Variants in LHFPL3 observed in about 807,000 individuals in gnomAD.
LHFPL3 encodes LHFPL tetraspan subfamily member 3 protein.
A neutral mutation model predicts 19.3 loss-of-function variants in LHFPL3; 5 were observed. That is an observed-to-expected ratio of 0.26 (90% confidence interval 0.14 to 0.54). The LOEUF is 0.54. Ranked by LOEUF, LHFPL3 falls within the 20% of genes least tolerant of loss-of-function variation. The probability of loss-of-function intolerance (pLI) is 0.94; values close to 1 mark genes in which losing one functional copy is unlikely to be tolerated. For missense variants in LHFPL3, 249 were observed against 307.4 expected, an observed-to-expected ratio of 0.81 and a Z score of 1.42; for synonymous variants, 133 against 126.2, an observed-to-expected ratio of 1.05 and a Z score of -0.36.
intron 1 of LHFPL3, among the ~76,000 whole-genome samples, chr7:104,503,290 A>C (rs2099726380): frequency 6.6e-6 from 1 of 152,122 alleles, no homozygotes; most frequent in Non-Finnish European, 1.5e-5. Context: ...AAAGAAGCAA[A>C]CACACGCACA....
chr7:104,437,167 A>G (rs779786604), intron 1 of LHFPL3, among the ~76,000 whole-genome samples: 9 of 152,220 alleles, frequency 5.9e-5, no homozygotes, highest in South Asian at 2.1e-4. Flanking sequence ...AAGTTAAAAA[A>G]CTTTCTCAAC....
chr7:104,365,797 A>AAAAGAAAAAAG lies in LHFPL3; in HGVS notation c.445+36576_445+36577insGAAAAAAGAAA, dbSNP rs1554381870. Among the ~76,000 whole-genome samples the AAAAGAAAAAAG allele has an allele frequency of 9.5e-5, 12 of 125,984 alleles. 1 individual carries two copies. Among genetic ancestry groups the AAAAGAAAAAAG allele is most frequent in the Admixed American group, 8.5e-4 (9 of 10,626 alleles). 82.7% of individuals were successfully genotyped at this position (125,984 alleles called of 152,430 possible). ...AGCGAGACTCCGTCTCAAAAAAAAA[A>AAAAGAAAAAAG]AAAAAAAAGAAAAGCCTCTTTCCAG... is the stretch of plus-strand genomic sequence containing the variant. On this transcript the variant is annotated intron_variant, in intron 1 of 2. Transcript: ENST00000424859.
At chr7:104,812,108 T>G (rs896959745) in intron 2 of LHFPL3, among the ~76,000 whole-genome samples, 3 of 152,228 alleles carry the variant, frequency 2.0e-5, no homozygotes, top group African/African-American at 7.2e-5. Context: ...CCTTTCTGTT[T>G]GTTGTCAATG....
At chr7:104,558,013 A>AT (rs1424436153) in intron 1 of LHFPL3, among the ~76,000 whole-genome samples, 1 of 150,086 alleles carries the variant, frequency 6.7e-6, no homozygotes, top group Non-Finnish European at 1.5e-5. Flanking sequence ...TGAACTCATC[A>AT]TTTTTTATGG....
chr7:104,896,708 G>T (rs377287922), intron 2 of LHFPL3, among the ~76,000 whole-genome samples: 1 of 152,192 alleles, frequency 6.6e-6, no homozygotes. Flanking sequence ...CAGAGGAGGG[G>T]CTGGAGCAGG....
At chr7:104,822,146 G>C (rs1790687570) in intron 2 of LHFPL3, among the ~76,000 whole-genome samples, 1 of 152,156 alleles carries the variant, frequency 6.6e-6, no homozygotes, top group Admixed American at 6.5e-5. Flanking sequence ...CTAAGTGTTT[G>C]AAACCGGTTT....
At chr7:104,876,065 C>A (rs1791932682) in intron 2 of LHFPL3, among the ~76,000 whole-genome samples, 1 of 152,180 alleles carries the variant, frequency 6.6e-6, no homozygotes, top group East Asian at 1.9e-4. Flanking sequence ...GCTGGGAAAA[C>A]TGGCTAGCCA....
rs1794594700 is a variant in LHFPL3, at chr7:104,547,357, A to T, written c.446-189318A>T. ...TTAATGTATTCATCTGTCAGTGTAG[A>T]TAGTTGCATTGGTTACTTCAAAACA... is the stretch of plus-strand genomic sequence containing the variant. On this transcript the variant is annotated intron_variant, in intron 1 of 2. Coordinates refer to ENST00000424859, the MANE Select transcript of LHFPL3 (RefSeq NM_199000.3). 2.7e-5 allele frequency among the ~76,000 whole-genome samples: 4 copies of T among 150,176 alleles called. No individual in the cohort carries two copies. The South Asian group carries it at 8.4e-4, about 32-fold the overall frequency.
chr7:104,365,682 G>GA, intron 1 of LHFPL3, among the ~76,000 whole-genome samples: 1 of 148,366 alleles, frequency 6.7e-6, no homozygotes, highest in East Asian at 2.0e-4. Flanking sequence ...TCGGGAGGCT[G>GA]AGGCAGGAGA....
intron 1 of LHFPL3, among the ~76,000 whole-genome samples, chr7:104,530,164 A>G (rs1794268339): frequency 6.6e-6 from 1 of 152,218 alleles, no homozygotes; most frequent in Admixed American, 6.5e-5. Context: ...CATCAGTATG[A>G]TTGCAACTCA....
chr7:104,549,140 AG>A, intron 1 of LHFPL3, among the ~76,000 whole-genome samples: 1 of 152,250 alleles, frequency 6.6e-6, no homozygotes, highest in African/African-American at 2.4e-5. Context: ...AGGAGTAAAT[AG>A]CAAATATGAC....
intron 2 of LHFPL3, among the ~76,000 whole-genome samples, chr7:104,874,424 T>G (rs1791896249): frequency 6.8e-6 from 1 of 147,364 alleles, no homozygotes; most frequent in African/African-American, 2.5e-5. Context: ...GGACAGAGTC[T>G]CGTTCTGTCA....
chr7:104,734,387 G>T (rs564048601), intron 1 of LHFPL3, among the ~76,000 whole-genome samples: 74 of 152,240 alleles, frequency 4.9e-4, no homozygotes, highest in Non-Finnish European at 9.3e-4. Context: ...TTTTCACATA[G>T]TCCCATATTT....
In LHFPL3 at chr7:104,839,781, G is replaced by A. The variant is rs550928794; in HGVS notation, c.683-66406G>A. 1.1e-4 allele frequency among the ~76,000 whole-genome samples: 17 copies of A among 152,296 alleles called. 1 individual carries two copies. The highest frequency in any genetic ancestry group is 4.1e-4 in the African/African-American group (17 of 41,562). On this transcript the variant is annotated intron_variant, in intron 2 of 2. Coordinates refer to ENST00000424859, the MANE Select transcript of LHFPL3 (RefSeq NM_199000.3). ...GATATTAAGTCTCTCTGCACTCAGA[G>A]GGTAGGTTGGCTATATTACTCATAT...
chr7:104,692,465 G>A (rs1792922480), intron 1 of LHFPL3, among the ~76,000 whole-genome samples: 2 of 152,222 alleles, frequency 1.3e-5, no homozygotes. Flanking sequence ...TGGGCCCAGG[G>A]TCTTGCTGCT....
chr7:104,637,233 T>C (rs1791745022), intron 1 of LHFPL3, among the ~76,000 whole-genome samples: 1 of 152,156 alleles, frequency 6.6e-6, no homozygotes, highest in South Asian at 2.1e-4. Context: ...GGTTGTTTGG[T>C]TTTTGCTTGT....
chr7:104,490,044 A>G (rs990015529), intron 1 of LHFPL3, among the ~76,000 whole-genome samples: 1 of 152,118 alleles, frequency 6.6e-6, no homozygotes, highest in African/African-American at 2.4e-5. Flanking sequence ...CTGGGGAGGG[A>G]CTGGCACCAA....
intron 2 of LHFPL3, among the ~76,000 whole-genome samples, chr7:104,819,310 T>G (rs954985640): frequency 6.6e-6 from 1 of 151,814 alleles, no homozygotes; most frequent in African/African-American, 2.4e-5. Flanking sequence ...AGTTCAGTTC[T>G]ATGCAAACAT....
At chr7:104,355,139 G>T (rs1411282033) in intron 1 of LHFPL3, among the ~76,000 whole-genome samples, 1 of 152,156 alleles carries the variant, frequency 6.6e-6, no homozygotes, top group Admixed American at 6.5e-5. Flanking sequence ...AAATAGTACT[G>T]CTTTCCATGA....
Sources: gnomAD v4.1 joint callset for allele counts (sites outside exome capture counted in the v4.1 genomes callset) on GRCh38, gnomAD v4.1.1 for gene constraint, MANE v1.5 for transcripts, NCBI Gene and HGNC (gene_info 2026-07-23, HGNC 2026-07-21) for gene names.